DENND6A: variants seen among roughly 807,000 people sequenced by gnomAD.
DENND6A encodes the protein DENN domain containing 6A.
In DENND6A, 43 loss-of-function variants were observed where a neutral mutation model predicts 95.5. The observed-to-expected ratio is 0.45, with a 90% CI of 0.35 to 0.58. The LOEUF (loss-of-function observed/expected upper bound fraction) is 0.58, where lower values mean the gene tolerates loss of function less well. Among genes scored for constraint, DENND6A ranks in the 20% least tolerant of loss-of-function variants. The pLI is 0.00. For missense variants in DENND6A, 574 were observed against 736.0 expected, an observed-to-expected ratio of 0.78 and a Z score of 2.55; for synonymous variants, 257 against 260.4, an observed-to-expected ratio of 0.99 and a Z score of 0.13.
At chr3:57,635,220 T>TGTTTC (rs2153412446) in intron 12 of DENND6A, among the ~76,000 whole-genome samples, 1 of 152,304 alleles carries the variant, frequency 6.6e-6, no homozygotes, top group South Asian at 2.1e-4. Context: ...TGTTTTGTTT[T>TGTTTC]GTTTTGTTTT....
chr3:57,642,253 G>T (rs1334208533), intron 11 of DENND6A, among the ~76,000 whole-genome samples: 3 of 147,632 alleles, frequency 2.0e-5, no homozygotes, highest in Non-Finnish European at 3.0e-5. Context: ...GGCGGAGGTT[G>T]CAGTGAGCTG....
intron 18 of DENND6A, 118 bp downstream of exon 18, chr3:57,630,303 G>A: frequency 1.2e-6 from 1 of 855,516 alleles, no homozygotes; most frequent in Non-Finnish European, 1.7e-6. Context: ...ATCTAGAAAA[G>A]TTAGTCATCA....
chr3:57,653,415 T>C (rs1438737542), intron 9 of DENND6A, among the ~76,000 whole-genome samples: 3 of 152,192 alleles, frequency 2.0e-5, no homozygotes, highest in African/African-American at 7.2e-5. Flanking sequence ...GGTAAGTTTT[T>C]AATATTCAGG....
At chr3:57,639,421 A>C (rs2070875791) in intron 12 of DENND6A, among the ~76,000 whole-genome samples, 1 of 152,238 alleles carries the variant, frequency 6.6e-6, no homozygotes, top group South Asian at 2.1e-4. Flanking sequence ...TTATCTACCT[A>C]CATCTAGCAG....
intron 1 of DENND6A, among the ~76,000 whole-genome samples, chr3:57,686,131 C>G (rs993841861): frequency 8.5e-5 from 13 of 152,134 alleles, no homozygotes; most frequent in African/African-American, 3.1e-4. Flanking sequence ...CAAAAATAGC[C>G]TAAATTTACC....
chr3:57,679,553 A>C, intron 1 of DENND6A: 1 of 985,458 alleles, frequency 1.0e-6, no homozygotes, highest in Non-Finnish European at 1.2e-6. Context: ...GCAGTGGGGA[A>C]GGATGGAAAG....
intron 1 of DENND6A, among the ~76,000 whole-genome samples, chr3:57,677,317 T>G (rs1198904712): frequency 6.6e-6 from 1 of 151,918 alleles, no homozygotes; most frequent in Non-Finnish European, 1.5e-5. Context: ...ATTTCAACTA[T>G]AAATTCAATT....
intron 12 of DENND6A, among the ~76,000 whole-genome samples, chr3:57,637,906 T>C (rs2070833904): frequency 6.6e-6 from 1 of 151,220 alleles, no homozygotes; most frequent in Non-Finnish European, 1.5e-5. Flanking sequence ...GAGGCTGAGG[T>C]GAGTGGATCA....
At chr3:57,652,420 T>C (rs952219914) in intron 9 of DENND6A, among the ~76,000 whole-genome samples, 1 of 152,126 alleles carries the variant, frequency 6.6e-6, no homozygotes, top group Non-Finnish European at 1.5e-5. Context: ...CAGACTCCTA[T>C]GTCCAACTGA....
At chr3:57,664,914 A>G (rs2071503399) in intron 4 of DENND6A, among the ~76,000 whole-genome samples, 1 of 152,212 alleles carries the variant, frequency 6.6e-6, no homozygotes, top group Non-Finnish European at 1.5e-5. Context: ...CAGGAAAGCC[A>G]AGGGGAAAAA....
At chr3:57,674,283 G>A (rs193068355) in intron 1 of DENND6A, among the ~76,000 whole-genome samples, 5 of 152,134 alleles carry the variant, frequency 3.3e-5, no homozygotes, top group Non-Finnish European at 7.4e-5. Context: ...TGAGGCAGGA[G>A]AATGGCGTGA....
intron 1 of DENND6A, among the ~76,000 whole-genome samples, chr3:57,676,108 T>C (rs1243161150): frequency 6.6e-6 from 1 of 151,914 alleles, no homozygotes; most frequent in Non-Finnish European, 1.5e-5. Flanking sequence ...CCAGGTGCCA[T>C]GGCTCATACC....
chr3:57,687,401 T>C (rs2077220618), intron 1 of DENND6A, among the ~76,000 whole-genome samples: 1 of 151,698 alleles, frequency 6.6e-6, no homozygotes, highest in Admixed American at 6.6e-5. Flanking sequence ...CTAGCAGGAG[T>C]TGGTTCATGA....
chr3:57,657,330 T>G (rs567024486), intron 9 of DENND6A, among the ~76,000 whole-genome samples: 65 of 152,334 alleles, frequency 4.3e-4, no homozygotes, highest in African/African-American at 1.4e-3. Flanking sequence ...ATCTATTTTT[T>G]CTTACTGAAG....
intron 12 of DENND6A, among the ~76,000 whole-genome samples, chr3:57,636,754 T>A (rs111803052): frequency 5.5e-4 from 84 of 151,842 alleles, no homozygotes; most frequent in African/African-American, 1.9e-3. Flanking sequence ...CTGGCCAACA[T>A]GGGGAAGCCC....
intron 1 of DENND6A, among the ~76,000 whole-genome samples, chr3:57,677,065 C>T (rs958288256): frequency 6.6e-6 from 1 of 152,186 alleles, no homozygotes; most frequent in Admixed American, 6.5e-5. Flanking sequence ...CTCAAGTGAT[C>T]CACCCGCCTT....
chr3:57,631,947 C>T (rs1384853165), intron 15 of DENND6A, among the ~76,000 whole-genome samples: 1 of 148,578 alleles, frequency 6.7e-6, no homozygotes, highest in African/African-American at 2.5e-5. Flanking sequence ...TGGTCTTGAT[C>T]TCCTGACCTC....
chr3:57,633,294 C>T lies in DENND6A; in HGVS notation c.1324G>A (p.Glu442Lys). 6.2e-7 allele frequency: 1 copy of T among 1,613,608 alleles called. No individual in the cohort carries two copies. The highest frequency in any genetic ancestry group is 8.5e-7 in the Non-Finnish European group (1 of 1,179,858). The change falls in exon 15 of 20, where the codon GAA becomes AAA. Residue 442 changes from glutamate (E) to lysine (K), a missense_variant. Physicochemically the swap from Glu to Lys is moderately conservative, Grantham distance 56. Transcript: ENST00000311128. The part of the protein sequence containing the change: ...QSVILRRYFL[E>K]LTQSFIIPLE... ...GGAATGATGAAACTTTGTGTCAGTTCCAAAAAATAGCGTCGAAGAATAACA... is the reference window on the plus strand; with the variant it reads ...GGAATGATGAAACTTTGTGTCAGTTTCAAAAAATAGCGTCGAAGAATAACA...
chr3:57,688,857 G>C (rs2077235117), intron 1 of DENND6A, among the ~76,000 whole-genome samples: 1 of 152,024 alleles, frequency 6.6e-6, no homozygotes, highest in Admixed American at 6.6e-5. Flanking sequence ...GTTAATCCTT[G>C]ACAGATACAA....
Sources: allele counts gnomAD v4.1 joint callset (sites outside exome capture counted in the v4.1 genomes callset), GRCh38; gene constraint gnomAD v4.1.1; transcripts MANE v1.5; gene names NCBI Gene and HGNC (gene_info 2026-07-23, HGNC 2026-07-21).